The following NEO1 variants were observed in gnomAD, a reference collection of about 807,000 sequenced individuals.
NEO1 encodes the protein neogenin 1, also known as neogenin.
NEO1 carries 63 observed loss-of-function variants against 159.7 expected under a neutral mutation model. The ratio of observed to expected loss-of-function variants is 0.39; its 90% CI spans 0.32 to 0.49. NEO1 has a LOEUF of 0.49. Ranked by LOEUF, NEO1 falls within the 20% of genes least tolerant of loss-of-function variation. The probability of loss-of-function intolerance (pLI) is 0.85; values close to 1 mark genes in which losing one functional copy is unlikely to be tolerated. For synonymous variants in NEO1, 633 were observed against 662.0 expected, an observed-to-expected ratio of 0.96 and a Z score of 0.67; for missense variants, 1,615 against 1,831.0, an observed-to-expected ratio of 0.88 and a Z score of 2.15.
chr15:73,293,903 G>A (rs2042253971), intron 26 of NEO1, among the ~76,000 whole-genome samples: 1 of 152,172 alleles, frequency 6.6e-6, no homozygotes, highest in African/African-American at 2.4e-5. Context: ...AGACACTAGT[G>A]GTTGCCTTTG....
intron 7 of NEO1, among the ~76,000 whole-genome samples, chr15:73,216,981 G>A (rs1287848057): frequency 6.6e-6 from 1 of 151,928 alleles, no homozygotes; most frequent in Non-Finnish European, 1.5e-5. Flanking sequence ...TGCTTTTGGT[G>A]TTTTAGACAT....
At chr15:73,160,366 T>C (rs944101875) in intron 5 of NEO1, among the ~76,000 whole-genome samples, 7 of 152,178 alleles carry the variant, frequency 4.6e-5, no homozygotes, top group Non-Finnish European at 1.0e-4. Flanking sequence ...CCTTTCTATT[T>C]TTCTAATAGA....
At chr15:73,242,477 G>C (rs975783426) in intron 8 of NEO1, among the ~76,000 whole-genome samples, 1 of 152,128 alleles carries the variant, frequency 6.6e-6, no homozygotes, top group Non-Finnish European at 1.5e-5. Context: ...AGACCAGCCT[G>C]GCCAACATGG....
At chr15:73,193,775 T>C (rs2036369350) in intron 7 of NEO1, among the ~76,000 whole-genome samples, 1 of 151,832 alleles carries the variant, frequency 6.6e-6, no homozygotes, top group African/African-American at 2.4e-5. Flanking sequence ...TGAATCTAAA[T>C]AATTATAATG....
intron 7 of NEO1, among the ~76,000 whole-genome samples, chr15:73,210,066 A>T (rs1567489830): frequency 6.6e-6 from 1 of 152,144 alleles, no homozygotes; most frequent in Non-Finnish European, 1.5e-5. Context: ...TGCCATATAG[A>T]TCCTATCTGA....
intron 5 of NEO1, among the ~76,000 whole-genome samples, chr15:73,159,092 T>A (rs1319969769): frequency 4.6e-5 from 7 of 152,206 alleles, no homozygotes; most frequent in Admixed American, 4.6e-4. Context: ...AGCAAGATTC[T>A]GTCTCAAAAA....
At chr15:73,149,003 T>G (rs992081654) in intron 5 of NEO1, among the ~76,000 whole-genome samples, 1 of 152,002 alleles carries the variant, frequency 6.6e-6, no homozygotes, top group Non-Finnish European at 1.5e-5. Flanking sequence ...TTTAGATTTT[T>G]TTCTTGTTGA....
chr15:73,213,585 C>T (rs960428102), intron 7 of NEO1, among the ~76,000 whole-genome samples: 1 of 152,204 alleles, frequency 6.6e-6, no homozygotes, highest in Admixed American at 6.5e-5. Flanking sequence ...CAGGTCACTG[C>T]AAATGCTGTT....
At chr15:73,098,973 T>C (rs564686187) in intron 1 of NEO1, among the ~76,000 whole-genome samples, 1 of 152,314 alleles carries the variant, frequency 6.6e-6, no homozygotes, top group African/African-American at 2.4e-5. Context: ...TTAATTTGCA[T>C]TTCTTTTATT....
intron 7 of NEO1, among the ~76,000 whole-genome samples, chr15:73,217,827 T>C (rs1433940054): frequency 7.3e-5 from 11 of 151,234 alleles, no homozygotes; most frequent in African/African-American, 1.5e-4. Context: ...AGATTTTGGG[T>C]TGAGACAATG....
intron 28 of NEO1, 44 bp from the exon 29 acceptor site, chr15:73,302,569 T>G: frequency 2.5e-6 from 4 of 1,576,236 alleles, no homozygotes; most frequent in Non-Finnish European, 3.5e-6. Flanking sequence ...CTTTCTGAGC[T>G]GCTCCCTGGA....
intron 1 of NEO1, among the ~76,000 whole-genome samples, chr15:73,110,434 T>G (rs560960141): frequency 2.8e-4 from 42 of 152,334 alleles, no homozygotes; most frequent in African/African-American, 9.6e-4. Flanking sequence ...TCTGCAAGTA[T>G]TCAGATACCA....
intron 5 of NEO1, among the ~76,000 whole-genome samples, chr15:73,154,100 G>T (rs1191915617): frequency 1.3e-5 from 2 of 151,588 alleles, no homozygotes; most frequent in Non-Finnish European, 2.9e-5. Flanking sequence ...CATATATTAG[G>T]TCTTATGTCC....
chr15:73,250,456 A>G (rs1323459408), intron 11 of NEO1, among the ~76,000 whole-genome samples: 1 of 152,200 alleles, frequency 6.6e-6, no homozygotes, highest in African/African-American at 2.4e-5. Flanking sequence ...TAGAAGGTAA[A>G]GTTTGACTCC....
intron 4 of NEO1, among the ~76,000 whole-genome samples, chr15:73,128,271 G>A (rs941173146): frequency 4.7e-5 from 7 of 148,960 alleles, no homozygotes; most frequent in Admixed American, 2.0e-4. Context: ...CTGAAACATA[G>A]GGAACCTTAA....
At chr15:73,256,142 AC>A (rs1290924504) in intron 13 of NEO1, 14 of 152,344 alleles carry the variant, frequency 9.2e-5, no homozygotes, top group African/African-American at 3.4e-4. Flanking sequence ...GCTTGGCATC[AC>A]CCACTTTCCT....
chr15:73,274,577 G>T, intron 20 of NEO1, 115 bp from the exon 21 acceptor site: 3 of 975,844 alleles, frequency 3.1e-6, no homozygotes, highest in Non-Finnish European at 1.6e-6. Flanking sequence ...GTTTCAGTTT[G>T]TTTGGAAGTT....
chr15:73,066,947 C>CTTTACACAGA (rs2068252738), intron 1 of NEO1, among the ~76,000 whole-genome samples: 1 of 152,182 alleles, frequency 6.6e-6, no homozygotes, highest in Admixed American at 6.5e-5. Flanking sequence ...CCTTGATTGC[C>CTTTACACAGA]TTTACACAGA....
chr15:73,240,650 G>C (rs1016194003), intron 8 of NEO1, among the ~76,000 whole-genome samples: 2 of 152,130 alleles, frequency 1.3e-5, no homozygotes, highest in Admixed American at 1.3e-4. Flanking sequence ...TTAAAGGAGA[G>C]AAAAAATAGA....
Sources: allele counts gnomAD v4.1 joint callset (sites outside exome capture counted in the v4.1 genomes callset), GRCh38; gene constraint gnomAD v4.1.1; transcripts MANE v1.5; gene names NCBI Gene and HGNC (gene_info 2026-07-23, HGNC 2026-07-21).